The following SGCZ variants were observed in gnomAD, a reference collection of about 807,000 sequenced individuals.
SGCZ encodes zeta-sarcoglycan.
Under a neutral mutation model 41.3 loss-of-function variants are expected in SGCZ, and 40 were observed. The ratio of observed to expected loss-of-function variants is 0.97; its 90% CI spans 0.75 to 1.26. SGCZ has a LOEUF of 1.26. SGCZ is among the 50% of genes most tolerant of loss of function. SGCZ has a pLI of 0.00. For missense variants in SGCZ, 552 were observed against 369.8 expected, an observed-to-expected ratio of 1.49 and a Z score of -4.04; for synonymous variants, 206 against 137.5, an observed-to-expected ratio of 1.50 and a Z score of -3.49.
At chr8:14,114,918 T>A (rs562523336) in intron 5 of SGCZ, among the ~76,000 whole-genome samples, 1 of 152,032 alleles carries the variant, frequency 6.6e-6, no homozygotes, top group African/African-American at 2.4e-5. Context: ...AAATTTAAAA[T>A]CACATGTAAA....
At chr8:15,207,545 C>A (rs1190311794) in intron 1 of SGCZ, among the ~76,000 whole-genome samples, 1 of 151,858 alleles carries the variant, frequency 6.6e-6, no homozygotes, top group Admixed American at 6.6e-5. Flanking sequence ...CGGTGGTGCC[C>A]ACAGGACAAG....
chr8:15,190,377 A>G (rs1800493616), intron 1 of SGCZ, among the ~76,000 whole-genome samples: 1 of 137,318 alleles, frequency 7.3e-6, no homozygotes, highest in Admixed American at 7.3e-5. Flanking sequence ...TCTATTATGT[A>G]TTTTGCACCT....
chr8:14,809,283 C>G (rs1801667049), intron 1 of SGCZ, among the ~76,000 whole-genome samples: 1 of 151,710 alleles, frequency 6.6e-6, no homozygotes, highest in African/African-American at 2.4e-5. Flanking sequence ...CAAACTGTTT[C>G]AAAGGAGAAA....
chr8:14,617,299 G>A (rs1354520092), intron 1 of SGCZ, among the ~76,000 whole-genome samples: 1 of 152,070 alleles, frequency 6.6e-6, no homozygotes, highest in East Asian at 1.9e-4. Context: ...ACTTACATGT[G>A]TGATTTGATA....
chr8:14,680,964 G>GAAAAAGAATAAAAAAAAAAA (rs1808424509), intron 1 of SGCZ, among the ~76,000 whole-genome samples: 1 of 117,938 alleles, frequency 8.5e-6, no homozygotes, highest in Non-Finnish European at 1.7e-5. Context: ...AAAAGAGTGG[G>GAAAAAGAATAAAAAAAAAAA]AAAAAAAAAA....
At chr8:14,534,325 T>C (rs1386265015) in intron 2 of SGCZ, among the ~76,000 whole-genome samples, 1 of 147,708 alleles carries the variant, frequency 6.8e-6, no homozygotes, top group East Asian at 2.0e-4. Flanking sequence ...AGCTGTTTTC[T>C]AGAGCTCTTT....
At chr8:14,396,267 T>G (rs1798916938) in intron 2 of SGCZ, among the ~76,000 whole-genome samples, 2 of 152,226 alleles carry the variant, frequency 1.3e-5, no homozygotes, top group African/African-American at 4.8e-5. Context: ...GGACTTAAAA[T>G]GAACACATTT....
At position 14,564,165 on chromosome 8, in the gene SGCZ, G is replaced by A. The variant is rs139080044; in HGVS notation, c.40-9239C>T. Among the ~76,000 whole-genome samples, 480 of 152,324 alleles carry A rather than the reference G, an allele frequency of 3.2e-3. 3 individuals are homozygous for A. The highest frequency in any genetic ancestry group is 0.011 in the African/African-American group (453 of 41,580). ...CTTTTAATTTCTGATGATGAAGCTA[G>A]CATTTGGCGTGCTGAAATAGCAACA... On this transcript the variant is annotated intron_variant, in intron 1 of 7. Transcript: ENST00000382080.
chr8:15,027,515 G>C (rs1198592336), intron 1 of SGCZ, among the ~76,000 whole-genome samples: 2 of 151,984 alleles, frequency 1.3e-5, no homozygotes, highest in Admixed American at 6.6e-5. Flanking sequence ...GTAAAATTCT[G>C]CCTTTCTAGA....
chr8:14,533,792 A>G (rs1277654775), intron 2 of SGCZ, among the ~76,000 whole-genome samples: 2 of 152,076 alleles, frequency 1.3e-5, no homozygotes, highest in African/African-American at 4.8e-5. Context: ...ATAATTATTA[A>G]TTTTATGTGA....
chr8:15,012,577 T>TTA (rs200729562), intron 1 of SGCZ, among the ~76,000 whole-genome samples: 14,922 of 109,806 alleles, frequency 0.14, 1,038 homozygotes, highest in Admixed American at 0.23. Context: ...AAATATATAT[T>TTA]TATATAACAT....
At chr8:15,209,340 G>C (rs552654405) in intron 1 of SGCZ, among the ~76,000 whole-genome samples, 1 of 151,966 alleles carries the variant, frequency 6.6e-6, no homozygotes, top group Non-Finnish European at 1.5e-5. Context: ...ACTATTTGAA[G>C]GGAGTACTAA....
At chr8:15,052,565 T>G (rs943298222) in intron 1 of SGCZ, among the ~76,000 whole-genome samples, 8 of 152,138 alleles carry the variant, frequency 5.3e-5, no homozygotes, top group African/African-American at 1.9e-4. Context: ...GGTGGCTTTC[T>G]AGTCTCAGTA....
chr8:14,243,569 T>C (rs747726873), intron 3 of SGCZ, among the ~76,000 whole-genome samples: 1 of 152,214 alleles, frequency 6.6e-6, no homozygotes, highest in Non-Finnish European at 1.5e-5. Context: ...TTCTTCACAA[T>C]GTGACCCAAT....
chr8:14,944,164 G>A (rs1041138859), intron 1 of SGCZ, among the ~76,000 whole-genome samples: 1 of 152,166 alleles, frequency 6.6e-6, no homozygotes, highest in Non-Finnish European at 1.5e-5. Flanking sequence ...GGGGCCTGCA[G>A]GCTGAAGGTA....
intron 2 of SGCZ, among the ~76,000 whole-genome samples, chr8:14,457,494 G>A (rs1052458326): frequency 6.6e-6 from 1 of 152,200 alleles, no homozygotes; most frequent in African/African-American, 2.4e-5. Context: ...CTCTTGTGGA[G>A]GGCCTGACAT....
intron 5 of SGCZ, among the ~76,000 whole-genome samples, chr8:14,114,319 A>T (rs1286640913): frequency 6.6e-6 from 1 of 152,068 alleles, no homozygotes. Flanking sequence ...AACACAAATC[A>T]ACATCCTGCG....
chr8:14,588,579 T>A (rs973897706), intron 1 of SGCZ, among the ~76,000 whole-genome samples: 5 of 152,088 alleles, frequency 3.3e-5, no homozygotes, highest in African/African-American at 1.2e-4. Flanking sequence ...ATAGAATGTT[T>A]AAACTACTTG....
intron 5 of SGCZ, among the ~76,000 whole-genome samples, chr8:14,149,254 C>A (rs1803620983): frequency 6.6e-6 from 1 of 152,054 alleles, no homozygotes; most frequent in African/African-American, 2.4e-5. Flanking sequence ...TCCTTGTTTG[C>A]AGATTATATG....
Sources: allele counts gnomAD v4.1 joint callset (sites outside exome capture counted in the v4.1 genomes callset), GRCh38; gene constraint gnomAD v4.1.1; transcripts MANE v1.5; gene names NCBI Gene and HGNC (gene_info 2026-07-23, HGNC 2026-07-21).